P2RX5: variants seen among roughly 807,000 people sequenced by gnomAD.
The protein encoded by P2RX5 is P2X purinoceptor 5.
Under a neutral mutation model 54.1 loss-of-function variants are expected in P2RX5, and 46 were observed. That is an observed-to-expected ratio of 0.85 (90% CI 0.67 to 1.09). P2RX5 has a LOEUF of 1.09. P2RX5 is among the 50% of genes least tolerant of loss of function. The pLI is 0.00. For synonymous variants in P2RX5, 226 were observed against 226.4 expected, an observed-to-expected ratio of 1.00 and a Z score of 0.02; for missense variants, 566 against 549.8, an observed-to-expected ratio of 1.03 and a Z score of -0.29.
At chr17:3,689,989 G>A in intron 6 of P2RX5, 81 bp downstream of exon 6, 2 of 1,243,586 alleles carry the variant, frequency 1.6e-6, no homozygotes, top group South Asian at 1.2e-5. Flanking sequence ...CACACCCCCA[G>A]GCAGAGACCC....
chr17:3,704,494 G>A, the P2RX5 span, among the ~76,000 whole-genome samples: 1 of 152,208 alleles, frequency 6.6e-6, no homozygotes, highest in African/African-American at 2.4e-5. Context: ...AATGGCAGAT[G>A]CATTATTAAC....
chr17:3,697,234 G>A (rs968950694), upstream of P2RX5, among the ~76,000 whole-genome samples: 6 of 152,174 alleles, frequency 3.9e-5, no homozygotes, highest in African/African-American at 1.2e-4. Flanking sequence ...TGTACCAACT[G>A]TTTGGAATGG....
chr17:3,681,580 A>C (rs1597703286), intron 10 of P2RX5, among the ~76,000 whole-genome samples: 1 of 152,128 alleles, frequency 6.6e-6, no homozygotes, highest in Admixed American at 6.5e-5. Context: ...TGCAGACACC[A>C]CTCGATTGGT....
the P2RX5 span, among the ~76,000 whole-genome samples, chr17:3,708,553 A>T: frequency 6.6e-6 from 1 of 152,242 alleles, no homozygotes; most frequent in Non-Finnish European, 1.5e-5. Flanking sequence ...CCCATTAAGC[A>T]AACAAATTAA....
chr17:3,723,810 G>GTCCCC, the P2RX5 span: 1 of 1,581,998 alleles, frequency 6.3e-7, no homozygotes, highest in Non-Finnish European at 8.6e-7. Context: ...GTCCCGTCCC[G>GTCCCC]GCCCCGGCCC....
At chr17:3,723,229 A>G in the P2RX5 span, 1 of 1,120,726 alleles carries the variant, frequency 8.9e-7, no homozygotes, top group Admixed American at 1.7e-5. Flanking sequence ...TATCTCTTCT[A>G]GGGGCGATGC....
the P2RX5 span, chr17:3,716,676 A>G: frequency 1.4e-6 from 2 of 1,468,740 alleles, no homozygotes; most frequent in Non-Finnish European, 1.9e-6. Context: ...TGATGCCATG[A>G]GTAGAACTGA....
chr17:3,703,984 C>G, the P2RX5 span, among the ~76,000 whole-genome samples: 3 of 152,084 alleles, frequency 2.0e-5, no homozygotes, highest in African/African-American at 4.8e-5. Flanking sequence ...TGCCTGTAAT[C>G]CCAGCTACTC....
the P2RX5 span, among the ~76,000 whole-genome samples, chr17:3,705,881 G>C: frequency 6.6e-6 from 1 of 151,320 alleles, no homozygotes; most frequent in Non-Finnish European, 1.5e-5. Context: ...CTGCAGCCTT[G>C]ACCTCCTTGG....
upstream of P2RX5, among the ~76,000 whole-genome samples, chr17:3,696,770 C>G (rs1026566370): frequency 2.0e-5 from 3 of 152,322 alleles, 1 homozygote; most frequent in South Asian, 6.2e-4. Context: ...CAAAACTCCC[C>G]TTTCTCTCGC....
In P2RX5 at chr17:3,689,598, A is replaced by C. The variant is rs763643470; in HGVS notation, c.647T>G (p.Phe216Cys). Reference sequence around the variant, plus strand: ...GGGGCCAAAGTGGCATGATTTCAGGAAAGATCTGTCCTTGACGTCCATCAC... The same window carrying C: ...GGGGCCAAAGTGGCATGATTTCAGGCAAGATCTGTCCTTGACGTCCATCAC... ...SNVMDVKDRS[F>C]LKSCHFGPKN... Residue 216 changes from phenylalanine to cysteine, a missense_variant, in exon 7 of 12, where the codon TTC becomes TGC. Transcript: ENST00000225328. 3.1e-6 allele frequency: 5 copies of C among 1,614,206 alleles called. No homozygotes were observed. The highest frequency in any genetic ancestry group is 4.2e-6 in the Non-Finnish European group (5 of 1,180,034).
At chr17:3,680,933 A>G (rs370567614) in intron 10 of P2RX5, among the ~76,000 whole-genome samples, 54 of 97,674 alleles carry the variant, frequency 5.5e-4, no homozygotes, top group East Asian at 3.5e-3. Flanking sequence ...TCCACCCTGC[A>G]TCCTCCACCC....
chr17:3,691,019 G>A lies in P2RX5; in HGVS notation c.297C>T (p.Asn99=), dbSNP rs555844155. 1.7e-5 allele frequency: 27 copies of A among 1,612,090 alleles called. No homozygotes were observed. Among genetic ancestry groups the A allele is most frequent in the South Asian group, 6.6e-5 (6 of 90,850 alleles). The change falls in exon 3 of 12, where the codon AAC becomes AAT. Residue 99 remains asparagine (N), a synonymous_variant. Transcript: ENST00000225328. The part of the protein sequence containing the change: ...ADYVIPAQGE[N]VFFVVTNLIV... ...TCAGGTTGGTGACCACAAAAAAGAC[G>A]TTCTCTCCCTAAGGAACCAGAGAGG... is the stretch of plus-strand genomic sequence containing the variant.
At position 3,682,138 on chromosome 17, in the gene P2RX5, C is replaced by G. The variant is rs1037149531; in HGVS notation, c.982-160G>C. The stretch of plus-strand genomic sequence containing the variant: ...GGGCTCAGCAAGGGGCACCCTTGTC[C>G]GACACCACAGAGCTGGTCCATGGTG... On this transcript the variant is annotated intron_variant, in intron 9 of 11. Transcript: ENST00000225328. The G allele has an allele frequency of 1.2e-5, 8 of 674,820 alleles. No homozygotes were observed. In the South Asian group the frequency reaches 1.2e-4, roughly 10 times the overall value. 41.8% of individuals were successfully genotyped at this position (674,820 alleles called of 1,614,324 possible). A position where few individuals can be genotyped will look rare whatever the true frequency, so the allele number is the denominator to read the frequency against.
rs2142993447 is a variant in P2RX5 at position 3,673,467 on chromosome 17, A to T, written c.*401T>A. 1 of 1,113,840 alleles carries T rather than the reference A, an allele frequency of 9.0e-7. No homozygotes were observed. The allele number at this position is 1,113,840 out of a possible 1,614,324, so 69.0% of individuals were successfully genotyped here. A position where few individuals can be genotyped will look rare whatever the true frequency, so the allele number is the denominator to read the frequency against. ...AGGGGAGTGGGCTGGAACCAAATGG[A>T]GCCCTTTTCCGGACACGCACAATGC... On this transcript the variant is annotated 3_prime_UTR_variant, in exon 12 of 12. Transcript: ENST00000225328.
At chr17:3,721,262 T>A in the P2RX5 span, among the ~76,000 whole-genome samples, 1 of 36,284 alleles carries the variant, frequency 2.8e-5, no homozygotes, top group African/African-American at 4.5e-4. Flanking sequence ...GATTTTTCCT[T>A]TTTTTTTTTT....
At chr17:3,688,590 T>C in intron 8 of P2RX5, 36 bp downstream of exon 8, 1 of 1,612,650 alleles carries the variant, frequency 6.2e-7, no homozygotes, top group Non-Finnish European at 8.5e-7. Context: ...CCACTGATCA[T>C]GGTCAGGTCA....
At chr17:3,709,802 G>A in the P2RX5 span, among the ~76,000 whole-genome samples, 1 of 152,008 alleles carries the variant, frequency 6.6e-6, no homozygotes, top group South Asian at 2.1e-4. Flanking sequence ...CCAGCTACTC[G>A]GGGGGCTGAG....
chr17:3,677,044 A>C (rs1310000603), intron 11 of P2RX5: 3 of 971,596 alleles, frequency 3.1e-6, no homozygotes, highest in Non-Finnish European at 3.7e-6. Context: ...CCTGGGTGAC[A>C]GAGCGAGACT....
Sources: gnomAD v4.1 joint callset for allele counts (sites outside exome capture counted in the v4.1 genomes callset) on GRCh38, gnomAD v4.1.1 for gene constraint, MANE v1.5 for transcripts, NCBI Gene and HGNC (gene_info 2026-07-23, HGNC 2026-07-21) for gene names.